Variants in DNAJB6 observed in about 807,000 individuals in gnomAD.
The protein encoded by DNAJB6 is DnaJ heat shock protein family (Hsp40) member B6.
In DNAJB6, 16 loss-of-function variants were observed where a neutral mutation model predicts 42.7. That is an observed-to-expected ratio of 0.37 (90% CI 0.25 to 0.57). DNAJB6 has a LOEUF of 0.57. Ranked by LOEUF, DNAJB6 falls within the 20% of genes least tolerant of loss-of-function variation. The pLI is 0.74. For missense variants in DNAJB6, 347 were observed against 416.8 expected, an observed-to-expected ratio of 0.83 and a Z score of 1.46; for synonymous variants, 170 against 163.5, an observed-to-expected ratio of 1.04 and a Z score of -0.30.
intron 1 of DNAJB6, among the ~76,000 whole-genome samples, chr7:157,355,075 A>G (rs1395745328): frequency 6.6e-6 from 1 of 152,216 alleles, no homozygotes; most frequent in Non-Finnish European, 1.5e-5. Flanking sequence ...AATTATATTT[A>G]TGTAATGGGA....
chr7:157,343,870 C>A (rs530195544), intron 1 of DNAJB6, among the ~76,000 whole-genome samples: 30 of 151,970 alleles, frequency 2.0e-4, no homozygotes, highest in Non-Finnish European at 3.7e-4. Context: ...AGAGATTTTT[C>A]GTTTTTTTAA....
At chr7:157,372,826 A>G (rs4716472) in intron 5 of DNAJB6, among the ~76,000 whole-genome samples, 84,080 of 151,978 alleles carry the variant, frequency 0.55, 23,567 homozygotes, top group East Asian at 0.75. Context: ...TGAGGCTGAG[A>G]TGTGTCCCGT....
At chr7:157,340,997 T>TGTGTGTGTGTGTGCGC (rs902019051) in intron 1 of DNAJB6, among the ~76,000 whole-genome samples, 12 of 118,398 alleles carry the variant, frequency 1.0e-4, no homozygotes, top group African/African-American at 3.4e-4. Context: ...TGTGTGTGTG[T>TGTGTGTGTGTGTGCGC]GCGCGCGCGC....
chr7:157,384,193 C>T (rs1019856125), intron 6 of DNAJB6, among the ~76,000 whole-genome samples: 10 of 152,150 alleles, frequency 6.6e-5, no homozygotes, highest in Non-Finnish European at 1.3e-4. Flanking sequence ...GTCCACACTG[C>T]GATAATATCC....
At chr7:157,370,208 AGAGGCCCTTTCTT>A (rs1800125474) in intron 5 of DNAJB6, among the ~76,000 whole-genome samples, 3 of 151,230 alleles carry the variant, frequency 2.0e-5, no homozygotes, top group African/African-American at 4.9e-5. Context: ...TTATTATTAA[AGAGGCCCTTTCTT>A]CACATTATTA....
At position 157,404,651 on chromosome 7, in the gene DNAJB6, C is replaced by T. The variant is rs371570892; in HGVS notation, c.692-5144C>T. 1.9e-4 allele frequency among the ~76,000 whole-genome samples: 29 copies of T among 151,952 alleles called. 1 individual carries two copies. The highest frequency in any genetic ancestry group is 6.8e-4 in the African/African-American group (28 of 41,394). The stretch of plus-strand genomic sequence containing the variant: ...TGAGCCTCCCGAGTAACTGGGACTA[C>T]AGGCACACGCCACCACACCCGACTA... On this transcript the variant is annotated intron_variant, in intron 8 of 9. Transcript: ENST00000262177.
At chr7:157,410,288 C>G in intron 9 of DNAJB6, 2 of 597,394 alleles carry the variant, frequency 3.3e-6, no homozygotes, top group Non-Finnish European at 5.2e-6. Context: ...GTGCGAGGTG[C>G]TGCTTTTACC....
At chr7:157,355,401 C>G (rs899588642) in intron 1 of DNAJB6, among the ~76,000 whole-genome samples, 5 of 152,232 alleles carry the variant, frequency 3.3e-5, no homozygotes, top group Admixed American at 1.3e-4. Context: ...ACCTCGTGAT[C>G]TGCCCGCCTC....
chr7:157,357,082 T>G (rs1799315849), intron 1 of DNAJB6, among the ~76,000 whole-genome samples: 1 of 150,500 alleles, frequency 6.6e-6, no homozygotes, highest in South Asian at 2.1e-4. Context: ...GAAGAATCCT[T>G]GAGCCCAGGA....
intron 8 of DNAJB6, among the ~76,000 whole-genome samples, chr7:157,408,483 G>T (rs761909509): frequency 8.5e-5 from 13 of 152,216 alleles, no homozygotes; most frequent in African/African-American, 3.1e-4. Context: ...GCTGCGAGTT[G>T]CCCAGGTCTT....
chr7:157,390,050 C>T (rs973182541), intron 8 of DNAJB6, among the ~76,000 whole-genome samples: 1 of 152,214 alleles, frequency 6.6e-6, no homozygotes, highest in Non-Finnish European at 1.5e-5. Context: ...CAGTAATTCT[C>T]GTCTGTCTGG....
chr7:157,384,828 A>G (rs779493290), intron 6 of DNAJB6, 39 bp from the exon 7 acceptor site: 41 of 1,595,878 alleles, frequency 2.6e-5, no homozygotes, highest in African/African-American at 2.7e-5. Flanking sequence ...ACTAGTTGAC[A>G]TATTTCTTTA....
At chr7:157,378,081 A>G (rs1419485871) in intron 5 of DNAJB6, 2 of 152,240 alleles carry the variant, frequency 1.3e-5, no homozygotes, top group African/African-American at 4.8e-5. Context: ...TGCATAGATT[A>G]TATATGACAA....
At chr7:157,338,919 C>T (rs1054483633) in intron 1 of DNAJB6, among the ~76,000 whole-genome samples, 1 of 152,148 alleles carries the variant, frequency 6.6e-6, no homozygotes, top group Non-Finnish European at 1.5e-5. Flanking sequence ...TTGGGAATTC[C>T]AGAGGGCAGA....
chr7:157,392,051 G>C (rs533890454), intron 8 of DNAJB6, among the ~76,000 whole-genome samples: 1 of 147,906 alleles, frequency 6.8e-6, no homozygotes, highest in Admixed American at 6.8e-5. Flanking sequence ...GCAGTGAGCC[G>C]TGATCGAGCC....
intron 3 of DNAJB6, among the ~76,000 whole-genome samples, chr7:157,366,158 C>T (rs1799835021): frequency 6.6e-6 from 1 of 152,120 alleles, no homozygotes; most frequent in Non-Finnish European, 1.5e-5. Context: ...ACCATATTGG[C>T]CAGGCTGGTC....
intron 2 of DNAJB6, among the ~76,000 whole-genome samples, chr7:157,361,435 G>A (rs145160581): frequency 3.3e-3 from 504 of 152,258 alleles, no homozygotes; most frequent in Admixed American, 5.4e-3. Context: ...GAGATTACAG[G>A]CATGAGCCAC....
intron 8 of DNAJB6, among the ~76,000 whole-genome samples, chr7:157,387,563 AG>A (rs1801132089): frequency 6.6e-6 from 1 of 152,222 alleles, no homozygotes; most frequent in African/African-American, 2.4e-5. Flanking sequence ...TGAGACATCC[AG>A]GGATGTCCAG....
Position 157,358,654 on chromosome 7 carries a change from C to G in DNAJB6, c.65+17C>G. 1 of 1,594,262 alleles carries G rather than the reference C, an allele frequency of 6.3e-7. No homozygotes were observed. Among genetic ancestry groups the G allele is most frequent in the Non-Finnish European group, 8.6e-7 (1 of 1,161,834 alleles). ...TAAAAAGGCGTAAGTAGTTTTATTT[C>G]TGTGGTAATGCATTTTCACAGTGGT... is the stretch of plus-strand genomic sequence containing the variant. On this transcript the variant is annotated intron_variant, in intron 2 of 9. Coordinates refer to ENST00000262177, the MANE Select transcript of DNAJB6 (RefSeq NM_058246.4).
Sources: allele counts gnomAD v4.1 joint callset (sites outside exome capture counted in the v4.1 genomes callset), GRCh38; gene constraint gnomAD v4.1.1; transcripts MANE v1.5; gene names NCBI Gene and HGNC (gene_info 2026-07-23, HGNC 2026-07-21).